KIAA1217: variants seen among roughly 807,000 people sequenced by gnomAD.
The protein encoded by KIAA1217 is KIAA1217, also known as sickle tail protein homolog.
In KIAA1217, 88 loss-of-function variants were observed where a neutral mutation model predicts 163.9. The ratio of observed to expected loss-of-function variants is 0.54; its 90% CI spans 0.45 to 0.64. The LOEUF (loss-of-function observed/expected upper bound fraction) is 0.64, where lower values mean the gene tolerates loss of function less well. KIAA1217 is among the 30% of genes least tolerant of loss of function. The pLI is 0.00. For synonymous variants in KIAA1217, 903 were observed against 923.1 expected (o/e 0.98, Z 0.39); for missense variants, 2,372 against 2,475.0 (o/e 0.96, Z 0.88).
intron 1 of KIAA1217, among the ~76,000 whole-genome samples, chr10:23,901,013 A>G (rs1479988163): frequency 1.3e-5 from 2 of 152,146 alleles, no homozygotes; most frequent in African/African-American, 4.8e-5. Context: ...TTTTTATTTA[A>G]TAAACATTTG....
In KIAA1217 at chr10:24,359,078, CTTTCTTTTTTTT is replaced by C. The variant is rs1180472945; in HGVS notation, c.355-21787_355-21776del. 1.7e-3 allele frequency among the ~76,000 whole-genome samples: 137 copies of C among 81,392 alleles called. 1 individual carries two copies. The highest frequency in any genetic ancestry group is 2.8e-3 in the Non-Finnish European group (99 of 35,042). The allele number at this position is 81,392 out of a possible 152,430, so 53.4% of individuals were successfully genotyped here. A position where few individuals can be genotyped will look rare whatever the true frequency, so the allele number is the denominator to read the frequency against. On this transcript the variant is annotated intron_variant, in intron 2 of 20. Coordinates refer to ENST00000376454, the MANE Select transcript of KIAA1217 (RefSeq NM_019590.5). ...CTTTTTTCTTTTCTTTTCTTTCTTTCTTTCTTTTTTTTTTTTTTTTTGTTTTTTTGAGATAGA... is the reference window on the plus strand; with the variant it reads ...CTTTTTTCTTTTCTTTTCTTTCTTTCTTTTTTTTTGTTTTTTTGAGATAGA...
At chr10:24,281,814 A>C (rs2077963838) in intron 2 of KIAA1217, among the ~76,000 whole-genome samples, 2 of 152,188 alleles carry the variant, frequency 1.3e-5, no homozygotes, top group South Asian at 2.1e-4. Context: ...TAATCCCAGC[A>C]CTTTGGGAGA....
At chr10:23,830,361 A>G (rs1355633327) in intron 1 of KIAA1217, among the ~76,000 whole-genome samples, 1 of 152,220 alleles carries the variant, frequency 6.6e-6, no homozygotes. Context: ...TGGCTGCTTA[A>G]AATGGCATGT....
chr10:23,696,453 G>A (rs1055589514), intron 1 of KIAA1217, among the ~76,000 whole-genome samples: 2 of 152,242 alleles, frequency 1.3e-5, no homozygotes, highest in African/African-American at 2.4e-5. Context: ...GAGAGAGGGA[G>A]ATAGTTAATT....
rs549934075 is a variant in KIAA1217, at chr10:24,272,821, G to T, written c.354+52912G>T. On this transcript the variant is annotated intron_variant, in intron 2 of 20. Transcript: ENST00000376454. ...CTTATGAGTTATTCGCCTGAAGGAA[G>T]AATTCTTCATTTCTTTTTCTTTTAA... Among the ~76,000 whole-genome samples the T allele has an allele frequency of 2.6e-5, 4 of 152,186 alleles. No individual in the cohort carries two copies. The South Asian group carries it at 8.3e-4, about 32-fold the overall frequency.
intron 1 of KIAA1217, among the ~76,000 whole-genome samples, chr10:23,702,754 T>C (rs537983336): frequency 1.3e-5 from 2 of 149,442 alleles, no homozygotes; most frequent in East Asian, 3.9e-4. Context: ...TAAAACATAC[T>C]TATATAATCA....
intron 1 of KIAA1217, among the ~76,000 whole-genome samples, chr10:23,855,575 G>A (rs1839612181): frequency 6.6e-6 from 1 of 152,160 alleles, no homozygotes; most frequent in African/African-American, 2.4e-5. Context: ...TTGCTAGATT[G>A]GGGAAGTTCT....
chr10:23,818,004 T>TAC (rs1280066493), intron 1 of KIAA1217, among the ~76,000 whole-genome samples: 1 of 104,794 alleles, frequency 9.5e-6, no homozygotes, highest in African/African-American at 4.1e-5. Flanking sequence ...TATATATATA[T>TAC]ATATACACAC....
chr10:24,305,444 G>A (rs2041902834), intron 2 of KIAA1217, among the ~76,000 whole-genome samples: 1 of 152,226 alleles, frequency 6.6e-6, no homozygotes, highest in Admixed American at 6.5e-5. Context: ...GCAGGCGTCC[G>A]AGGGTGTTAC....
At chr10:24,528,318 T>G (rs1592685847) in intron 14 of KIAA1217, among the ~76,000 whole-genome samples, 199 bp downstream of exon 14, 1 of 124,616 alleles carries the variant, frequency 8.0e-6, no homozygotes, top group Non-Finnish European at 1.8e-5. Flanking sequence ...TGTTTTTTTT[T>G]TTTGTTTTTT....
At chr10:23,975,649 G>A (rs1026256379) in intron 1 of KIAA1217, among the ~76,000 whole-genome samples, 28 of 152,270 alleles carry the variant, frequency 1.8e-4, no homozygotes, top group African/African-American at 6.7e-4. Context: ...GGGAAAGAAT[G>A]TGAAGGTCAA....
At chr10:24,482,675 A>G (rs2064867215) in intron 6 of KIAA1217, 1 of 152,230 alleles carries the variant, frequency 6.6e-6, no homozygotes, top group Non-Finnish European at 1.5e-5. Context: ...TTCAAAAAAT[A>G]CAGCTGGGTC....
Position 24,380,932 on chromosome 10 carries a change from T to G in KIAA1217, c.418T>G (p.Leu140Val). ...PPSLGDPVEH[L>V]SETSADSLEA... ...CAGTCTGGGTGACCCGGTCGAGCAT[T>G]TATCAGAGACGTCCGCTGATTCTTT... Residue 140 changes from leucine (L) to valine (V), a missense_variant, in exon 3 of 21, where the codon TTA (leucine) becomes GTA (valine). Physicochemically the swap from Leu to Val is conservative, Grantham distance 32 (BLOSUM62 1). Transcript: ENST00000376454. The G allele has an allele frequency of 6.2e-7, 1 of 1,608,682 alleles. No homozygotes were observed. Among genetic ancestry groups the G allele is most frequent in the Non-Finnish European group, 8.5e-7 (1 of 1,177,004 alleles).
rs557158930 is a variant in KIAA1217 at position 23,843,952 on chromosome 10, T to C, written c.-321+148718T>C. Among the ~76,000 whole-genome samples the C allele has an allele frequency of 1.8e-4, 27 of 152,312 alleles. No homozygotes were observed. The South Asian group carries it at 5.6e-3, about 32-fold the overall frequency. On this transcript the variant is annotated intron_variant, in intron 1 of 18. Transcript: ENST00000376462. ...GCATGGTACCTTATCTTTAGTGGTG[T>C]ATGGAGTCCACCAGTCTAGAGATCC... is the stretch of plus-strand genomic sequence containing the variant.
chr10:24,343,704 C>T (rs2047379557), intron 2 of KIAA1217, among the ~76,000 whole-genome samples: 1 of 152,202 alleles, frequency 6.6e-6, no homozygotes, highest in Non-Finnish European at 1.5e-5. Context: ...TATACTAGTG[C>T]TCTTAGAGTT....
intron 2 of KIAA1217, among the ~76,000 whole-genome samples, chr10:24,317,048 A>G (rs1353045872): frequency 3.3e-5 from 5 of 152,136 alleles, no homozygotes. Context: ...AAAGGCTAGA[A>G]TTATAAATTA....
rs78195271 is a variant in KIAA1217 at position 24,426,676 on chromosome 10, G to A, written c.554-6319G>A. On this transcript the variant is annotated intron_variant, in intron 3 of 20. Transcript: ENST00000376454. Reference sequence around the variant, plus strand: ...CAACAAAATACAATATGAGCACATCGGTGAGGTAAATTAATTCCTTCATTC... The same window carrying A: ...CAACAAAATACAATATGAGCACATCAGTGAGGTAAATTAATTCCTTCATTC... 5.4e-3 allele frequency among the ~76,000 whole-genome samples: 818 copies of A among 152,200 alleles called. 11 individuals carry two copies. The highest frequency in any genetic ancestry group is 0.024 in the Admixed American group (373 of 15,278).
chr10:24,319,375 CAAAAAAAAAAAA>C (rs34410717), intron 2 of KIAA1217, among the ~76,000 whole-genome samples: 13 of 45,834 alleles, frequency 2.8e-4, no homozygotes, highest in East Asian at 5.3e-4. Flanking sequence ...GACGTTGTCT[CAAAAAAAAAAAA>C]AAAAAAAAAA....
intron 9 of KIAA1217, among the ~76,000 whole-genome samples, chr10:24,509,408 G>A (rs145128561): frequency 7.2e-5 from 11 of 152,268 alleles, no homozygotes; most frequent in African/African-American, 2.4e-4. Flanking sequence ...GTAAGGCCCC[G>A]CTTTCTAGAC....
Sources: gnomAD v4.1 joint callset for allele counts (sites outside exome capture counted in the v4.1 genomes callset) on GRCh38, gnomAD v4.1.1 for gene constraint, MANE v1.5 for transcripts, NCBI Gene and HGNC (gene_info 2026-07-23, HGNC 2026-07-21) for gene names.